The following ARHGEF17 variants were observed in gnomAD, a reference collection of about 807,000 sequenced individuals.
ARHGEF17 encodes 164 kDa Rho-specific guanine-nucleotide exchange factor.
A neutral mutation model predicts 174.0 loss-of-function variants in ARHGEF17; 80 were observed. The ratio of observed to expected loss-of-function variants is 0.46; its 90% CI spans 0.38 to 0.55. The LOEUF is 0.55. ARHGEF17 is among the 20% of genes least tolerant of loss of function. The pLI is 0.00. For missense variants in ARHGEF17, 2,886 were observed against 2,839.7 expected (o/e 1.02, Z -0.37); for synonymous variants, 1,311 against 1,189.1 (o/e 1.10, Z -2.11).
At chr11:73,327,328 A>G (rs150043856) in intron 1 of ARHGEF17, among the ~76,000 whole-genome samples, 2 of 152,358 alleles carry the variant, frequency 1.3e-5, no homozygotes, top group Non-Finnish European at 2.9e-5. Context: ...GCAGGAGCAC[A>G]TTCTCTAGAG....
At chr11:73,329,371 A>T (rs367871973) in intron 1 of ARHGEF17, among the ~76,000 whole-genome samples, 1,645 of 3,908 alleles carry the variant, frequency 0.42, 317 homozygotes, top group South Asian at 0.53. Flanking sequence ...ATATATATAT[A>T]TATTTTTTTT....
At chr11:73,315,662 A>G (rs1431818940) in intron 1 of ARHGEF17, among the ~76,000 whole-genome samples, 2 of 152,140 alleles carry the variant, frequency 1.3e-5, no homozygotes, top group Non-Finnish European at 2.9e-5. Flanking sequence ...GGGTGAGATG[A>G]GGGAGGACAG....
chr11:73,361,832 A>G (rs1235350042), intron 12 of ARHGEF17, among the ~76,000 whole-genome samples: 6 of 151,068 alleles, frequency 4.0e-5, no homozygotes, highest in African/African-American at 1.5e-4. Context: ...CCAGCCTGGG[A>G]GACAAAGCAA....
In ARHGEF17 at chr11:73,311,333, G is replaced by A; in HGVS notation, c.2695G>A (p.Ala899Thr). 1 of 1,613,342 alleles carries A rather than the reference G, an allele frequency of 6.2e-7. No individual in the cohort carries two copies. ...LPEALPPPAT[A>T]HRNFHLDPKL... ...TGAGGCTCTGCCTCCCCCTGCCACT[G>A]CCCACCGAAACTTTCACCTTGACCC... Residue 899 changes from alanine (A) to threonine (T), a missense_variant, in exon 1 of 21, where the codon GCC (alanine) becomes ACC (threonine). Ala to Thr is a moderately conservative substitution (Grantham distance 58, BLOSUM62 0). This residue lies in a region of ARHGEF17 where 1,728 missense variants were observed against 1,461.2 expected (regional missense o/e 1.18). Transcript: ENST00000263674.
chr11:73,353,340 A>G, intron 3 of ARHGEF17: 1 of 380,342 alleles, frequency 2.6e-6, no homozygotes, highest in Non-Finnish European at 4.9e-6. Context: ...ACGCTGACCC[A>G]GACCTCAGAT....
At chr11:73,351,702 C>T (rs915709317) in intron 2 of ARHGEF17, among the ~76,000 whole-genome samples, 6 of 152,130 alleles carry the variant, frequency 3.9e-5, no homozygotes, top group Non-Finnish European at 8.8e-5. Flanking sequence ...CTGTCTCAGC[C>T]TCCCAGGTAT....
At position 73,309,199 on chromosome 11, in the gene ARHGEF17, C is replaced by T. The variant is rs754567806; in HGVS notation, c.561C>T (p.Pro187=). 5 of 1,593,790 alleles carry T rather than the reference C, an allele frequency of 3.1e-6. No individual in the cohort carries two copies. The highest frequency in any genetic ancestry group is 4.3e-6 in the Non-Finnish European group (5 of 1,170,062). The change falls in exon 1 of 21, where the codon CCC becomes CCT. Residue 187 remains proline (P), a synonymous_variant. Transcript: ENST00000263674. ...FPLAGLRSAR[P]LTGPETEGRL... ...TGGCGGGTCTGCGTTCGGCGCGGCCCCTGACCGGGCCGGAGACCGAAGGGA... is the reference window on the plus strand; with the variant it reads ...TGGCGGGTCTGCGTTCGGCGCGGCCTCTGACCGGGCCGGAGACCGAAGGGA...
chr11:73,339,528 G>A (rs1030681177), intron 1 of ARHGEF17, among the ~76,000 whole-genome samples: 1 of 152,156 alleles, frequency 6.6e-6, no homozygotes, highest in Non-Finnish European at 1.5e-5. Flanking sequence ...ATTTGGTCCA[G>A]CACCAGCTGG....
intron 1 of ARHGEF17, among the ~76,000 whole-genome samples, chr11:73,325,624 G>A (rs529496272): frequency 1.3e-5 from 2 of 152,216 alleles, no homozygotes; most frequent in Non-Finnish European, 2.9e-5. Context: ...CATCTGTACA[G>A]ATATCAGGAG....
chr11:73,350,222 C>T (rs184221002), intron 2 of ARHGEF17, among the ~76,000 whole-genome samples: 3 of 152,346 alleles, frequency 2.0e-5, no homozygotes, highest in Non-Finnish European at 2.9e-5. Flanking sequence ...GGTTAAGAAA[C>T]TTGCCCAGGG....
At chr11:73,330,687 T>C (rs996159672) in intron 1 of ARHGEF17, among the ~76,000 whole-genome samples, 1 of 152,232 alleles carries the variant, frequency 6.6e-6, no homozygotes. Flanking sequence ...CTGTGTGACT[T>C]TGGGCAAGCC....
At chr11:73,338,857 G>A (rs531251585) in intron 1 of ARHGEF17, among the ~76,000 whole-genome samples, 405 of 152,154 alleles carry the variant, frequency 2.7e-3, no homozygotes, top group African/African-American at 9.4e-3. Context: ...TTCCTAGTTT[G>A]TAAGAAGGGA....
rs771434898 is a variant in ARHGEF17, at chr11:73,311,393, C to A, written c.2755C>A (p.Arg919Ser). The A allele has an allele frequency of 5.0e-6, 8 of 1,613,196 alleles. No individual in the cohort carries two copies. Among genetic ancestry groups the A allele is most frequent in the Non-Finnish European group, 6.8e-6 (8 of 1,180,046 alleles). ...TGACATTCTGTCCCCGAGGCTAATC[C>A]GCCGAGGCTCCAAGAAGCGCCCAGC... ...LADILSPRLI[R>S]RGSKKRPARS... Residue 919 changes from arginine to serine, a missense_variant, in exon 1 of 21, where the codon CGC (arginine) becomes AGC (serine). Physicochemically the swap from Arg to Ser is moderately radical, Grantham distance 110. This residue lies in a region of ARHGEF17 where 1,728 missense variants were observed against 1,461.2 expected (regional missense o/e 1.18). Transcript: ENST00000263674.
chr11:73,362,441 C>T lies in ARHGEF17; in HGVS notation c.4703C>T (p.Pro1568Leu), dbSNP rs1253006021. ...GLQPRCHREP[P>L]PSLRSPPETA... ...ACTCCGTCTTCTCGCAGGGAGCCTCCTCCGTCGCTGAGGAGTCCTCCAGAG... is the reference window on the plus strand; with the variant it reads ...ACTCCGTCTTCTCGCAGGGAGCCTCTTCCGTCGCTGAGGAGTCCTCCAGAG... Residue 1568 changes from proline (P) to leucine (L), a missense_variant, in exon 14 of 21, where the codon CCT becomes CTT. By Grantham distance (98) the Pro-to-Leu change is moderately conservative (BLOSUM62 -3). Around this residue, in one of 4 missense-constraint regions of ARHGEF17, gnomAD observed 476 missense variants for 473.1 expected, o/e 1.01. Coordinates refer to ENST00000263674, the MANE Select transcript of ARHGEF17 (RefSeq NM_014786.4). 3.8e-6 allele frequency: 6 copies of T among 1,559,968 alleles called. No individual in the cohort carries two copies. The highest frequency in any genetic ancestry group is 1.8e-5 in the Admixed American group (1 of 55,618).
intron 1 of ARHGEF17, among the ~76,000 whole-genome samples, chr11:73,330,616 G>A (rs1006764367): frequency 6.6e-6 from 1 of 152,176 alleles, no homozygotes; most frequent in South Asian, 2.1e-4. Flanking sequence ...GCCTGGAGTG[G>A]CACCAGATAA....
At position 73,308,533 on chromosome 11, in the gene ARHGEF17, G is replaced by GTGCGCTGCTTTCGGCGTGGGCCGC; in HGVS notation, c.-99_-76dup. The GTGCGCTGCTTTCGGCGTGGGCCGC allele has an allele frequency of 3.9e-6, 4 of 1,028,168 alleles. No homozygotes were observed. The highest frequency in any genetic ancestry group is 5.2e-6 in the Non-Finnish European group (4 of 767,456). The allele number at this position is 1,028,168 out of a possible 1,614,324, so 63.7% of individuals were successfully genotyped here. On this transcript the variant is annotated 5_prime_UTR_variant, in exon 1 of 21. Coordinates refer to ENST00000263674, the MANE Select transcript of ARHGEF17 (RefSeq NM_014786.4). Reference sequence around the variant, plus strand: ...CTCTGCGTCCTCTTCCCACACTCCCGTGCGCTGCTTTCGGCGTGGGCCGCT... The same window carrying GTGCGCTGCTTTCGGCGTGGGCCGC: ...CTCTGCGTCCTCTTCCCACACTCCCGTGCGCTGCTTTCGGCGTGGGCCGCTGCGCTGCTTTCGGCGTGGGCCGCT...
Position 73,364,501 on chromosome 11 carries a change from G to C in ARHGEF17, c.5451G>C (p.Gln1817His). 1 of 1,613,760 alleles carries C rather than the reference G, an allele frequency of 6.2e-7. No homozygotes were observed. Among genetic ancestry groups the C allele is most frequent in the Non-Finnish European group, 8.5e-7 (1 of 1,179,970 alleles). Residue 1817 changes from glutamine to histidine, a missense_variant, in exon 18 of 21, where the codon CAG becomes CAC. By Grantham distance (24) the Gln-to-His change is conservative. This residue lies in a region of ARHGEF17 where 329 missense variants were observed against 435.2 expected (regional missense o/e 0.76). Transcript: ENST00000263674. ...TCAAATCAGTGACCTTGGGCACCCAGGGGAGCCCCATCACCAAGATGGTAT... is the reference window on the plus strand; with the variant it reads ...TCAAATCAGTGACCTTGGGCACCCACGGGAGCCCCATCACCAAGATGGTAT... ...QNFKSVTLGT[Q>H]GSPITKMVSV... is the part of the protein sequence containing the mutation.
chr11:73,323,930 C>T (rs1481042102), intron 1 of ARHGEF17, among the ~76,000 whole-genome samples: 1 of 152,346 alleles, frequency 6.6e-6, no homozygotes. Context: ...TGGAGGCTCC[C>T]TGCTTTCTTC....
intron 1 of ARHGEF17, among the ~76,000 whole-genome samples, chr11:73,316,121 C>A (rs1864925770): frequency 6.6e-6 from 1 of 152,226 alleles, no homozygotes; most frequent in Non-Finnish European, 1.5e-5. Context: ...GAGGCTCTGC[C>A]TAAGCTTGAG....
Sources: allele counts gnomAD v4.1 joint callset (sites outside exome capture counted in the v4.1 genomes callset), GRCh38; gene constraint gnomAD v4.1.1; regional missense constraint gnomAD v4.1.1; transcripts MANE v1.5; gene names NCBI Gene and HGNC (gene_info 2026-07-23, HGNC 2026-07-21).